Variants in PDS5A observed in about 807,000 individuals in gnomAD.
PDS5A encodes PDS5 cohesin associated factor A.
PDS5A carries 42 observed loss-of-function variants against 167.1 expected under a neutral mutation model. The observed-to-expected ratio is 0.25, with a 90% confidence interval of 0.20 to 0.33. The LOEUF (loss-of-function observed/expected upper bound fraction) is 0.33. Among genes scored for constraint, PDS5A ranks in the 10% least tolerant of loss-of-function variants. The pLI, the probability that PDS5A is intolerant of heterozygous loss-of-function variation, is 1.00. For synonymous variants in PDS5A, 553 were observed against 554.6 expected, an observed-to-expected ratio of 1.00 and a Z score of 0.04; for missense variants, 1,033 against 1,605.9, an observed-to-expected ratio of 0.64 and a Z score of 6.10.
Position 39,862,960 on chromosome 4 carries a change from A to G in PDS5A, c.2880T>C (p.Pro960=), listed in dbSNP as rs1398606375. The stretch of plus-strand genomic sequence containing the variant: ...GTGCGTGTGCTCTTCTCTCCTTCAC[A>G]GGATCTTTGGCACACAAGGCAAAGA... ...MAIFALCAKD[P]VKERRAHARQ... Residue 960 remains proline, a synonymous_variant, in exon 25 of 33, where the codon CCT becomes CCC. Transcript: ENST00000303538. 10 of 1,613,392 alleles carry G rather than the reference A, an allele frequency of 6.2e-6. No homozygotes were observed. The highest frequency in any genetic ancestry group is 8.5e-6 in the Non-Finnish European group (10 of 1,179,628).
In PDS5A at chr4:39,904,114, C is replaced by A. The variant is rs538810136; in HGVS notation, c.1311G>T (p.Lys437Asn). The A allele has an allele frequency of 6.2e-7, 1 of 1,611,832 alleles. No homozygotes were observed. The highest frequency in any genetic ancestry group is 1.1e-5 in the South Asian group (1 of 90,872). Residue 437 changes from lysine to asparagine, a missense_variant, in exon 12 of 33, where the codon AAG (lysine) becomes AAT (asparagine). This residue lies in a region of PDS5A where 388 missense variants were observed against 615.1 expected (regional missense o/e 0.63). Transcript: ENST00000303538. ...KKYCLHGEAG[K>N]EAAEKVSWIK... ...TCCAGCTGACTTTCTCTGCAGCTTC[C>A]TTTCCTGCTTCACCATGAAGACAGT...
chr4:39,956,730 C>T (rs113631222), intron 2 of PDS5A, among the ~76,000 whole-genome samples: 1,685 of 151,362 alleles, frequency 0.011, 31 homozygotes, highest in African/African-American at 0.039. Flanking sequence ...TGGAGTGCTG[C>T]GGCACAATTA....
Position 39,862,824 on chromosome 4 carries a change from C to G in PDS5A, c.2971+45G>C. 2.4e-6 allele frequency: 3 copies of G among 1,241,068 alleles called. No individual in the cohort carries two copies. In the Admixed American group the frequency reaches 5.4e-5, roughly 22 times the overall value. 76.9% of individuals were successfully genotyped at this position (1,241,068 alleles called of 1,614,324 possible). A position where few individuals can be genotyped will look rare whatever the true frequency, so the allele number is the denominator to read the frequency against. On this transcript the variant is annotated intron_variant, in intron 25 of 32. Coordinates refer to ENST00000303538, the MANE Select transcript of PDS5A (RefSeq NM_001100399.2). ...GAAAAAAAAAACCTAAAAATGGATA[C>G]ATTGACAAAATATATTTGCACACGG...
chr4:39,836,876 T>C (rs921111521), intron 32 of PDS5A: 31 of 150,856 alleles, frequency 2.1e-4, no homozygotes, highest in African/African-American at 6.1e-4. Flanking sequence ...TGTCGCAATC[T>C]TGGCTCACTG....
chr4:39,898,679 T>C (rs1722624865), intron 15 of PDS5A, 98 bp downstream of exon 15: 3 of 947,236 alleles, frequency 3.2e-6, no homozygotes, highest in Non-Finnish European at 3.2e-6. Context: ...TAAAGATTAT[T>C]TTCTTTTACT....
rs553382793 is a variant in PDS5A at position 39,901,159 on chromosome 4, T to G, written c.1500-652A>C. On this transcript the variant is annotated intron_variant, in intron 13 of 32. Transcript: ENST00000303538. ...ACACTCTTTGTCAGATATTTTGAAATGTAAACAAACATCAAAACCTTAAGC... is the reference window on the plus strand; with the variant it reads ...ACACTCTTTGTCAGATATTTTGAAAGGTAAACAAACATCAAAACCTTAAGC... Among the ~76,000 whole-genome samples the G allele has an allele frequency of 1.8e-4, 27 of 152,218 alleles. No homozygotes were observed. The East Asian group carries it at 4.4e-3, about 25-fold the overall frequency.
At chr4:39,863,895 C>G (rs1290008406) in intron 23 of PDS5A, among the ~76,000 whole-genome samples, 1 of 152,054 alleles carries the variant, frequency 6.6e-6, no homozygotes, top group African/African-American at 2.4e-5. Flanking sequence ...CATTGGGAGG[C>G]CGAGGTGGAC....
In PDS5A at chr4:39,848,917, A is replaced by G; in HGVS notation, c.3273T>C (p.Ala1091=). ...CCTTTGGTGAATCTGCATTGCACAA[A>G]GCACTTTTACTATTTATAACACAGA... The part of the protein sequence containing the change: ...VALCVINSKS[A]LCNADSPKDP... Residue 1091 remains alanine, a synonymous_variant, in exon 28 of 33, where the codon GCT becomes GCC. Coordinates refer to ENST00000303538, the MANE Select transcript of PDS5A (RefSeq NM_001100399.2). The G allele has an allele frequency of 6.2e-7, 1 of 1,606,270 alleles. No individual in the cohort carries two copies. Among genetic ancestry groups the G allele is most frequent in the Non-Finnish European group, 8.5e-7 (1 of 1,174,410 alleles).
At chr4:39,950,441 T>C (rs1317605279) in intron 2 of PDS5A, among the ~76,000 whole-genome samples, 1 of 151,544 alleles carries the variant, frequency 6.6e-6, no homozygotes, top group African/African-American at 2.4e-5. Context: ...AAAAACAAGT[T>C]AGAAATTATT....
chr4:39,964,010 G>A (rs1210807187), intron 2 of PDS5A, among the ~76,000 whole-genome samples: 2 of 152,106 alleles, frequency 1.3e-5, no homozygotes, highest in Non-Finnish European at 2.9e-5. Context: ...AAGTTCAAGT[G>A]ATTCTCCTGC....
intron 16 of PDS5A, chr4:39,898,184 T>A: frequency 7.9e-7 from 1 of 1,258,542 alleles, no homozygotes; most frequent in Non-Finnish European, 1.0e-6. Flanking sequence ...TCTCCCTGGC[T>A]TAGTTCTTTA....
chr4:39,937,607 T>C (rs1288091385), intron 2 of PDS5A, among the ~76,000 whole-genome samples: 3 of 152,044 alleles, frequency 2.0e-5, no homozygotes, highest in African/African-American at 7.2e-5. Context: ...TTGGTAGAGA[T>C]GGGGTCTTGT....
chr4:39,956,480 G>A (rs796301365), intron 2 of PDS5A, among the ~76,000 whole-genome samples: 80 of 129,344 alleles, frequency 6.2e-4, no homozygotes, highest in African/African-American at 2.1e-3. Context: ...GTGACAGAGC[G>A]AGACTGTCTC....
intron 13 of PDS5A, among the ~76,000 whole-genome samples, chr4:39,901,184 C>T (rs765573365): frequency 6.6e-6 from 1 of 151,230 alleles, no homozygotes; most frequent in Non-Finnish European, 1.5e-5. Context: ...AAACCTTAAG[C>T]AAGGAAAGGG....
chr4:39,888,331 C>T (rs550671154), intron 17 of PDS5A, among the ~76,000 whole-genome samples: 4 of 150,838 alleles, frequency 2.7e-5, no homozygotes, highest in Non-Finnish European at 5.9e-5. Context: ...AGTGAACCCT[C>T]ATACACTGTT....
intron 17 of PDS5A, among the ~76,000 whole-genome samples, chr4:39,888,542 C>T (rs1721681898): frequency 6.6e-6 from 1 of 151,612 alleles, no homozygotes; most frequent in African/African-American, 2.4e-5. Context: ...TGGAATGAAC[C>T]TAAGTGCACA....
In PDS5A at chr4:39,927,943, G is replaced by A. The variant is rs1181502579; in HGVS notation, c.342+18C>T. On this transcript the variant is annotated intron_variant, in intron 3 of 32. Transcript: ENST00000303538. ...TGGTGAATGAAAAATACAATAAAGT[G>A]AAAAAGGCTGTATTTACCTTAAGTT... The A allele has an allele frequency of 1.3e-6, 2 of 1,559,008 alleles. No individual in the cohort carries two copies. Among genetic ancestry groups the A allele is most frequent in the Non-Finnish European group, 1.8e-6 (2 of 1,130,434 alleles).
intron 32 of PDS5A, among the ~76,000 whole-genome samples, chr4:39,826,688 T>C (rs1338296302): frequency 2.0e-5 from 3 of 152,028 alleles, no homozygotes; most frequent in Non-Finnish European, 4.4e-5. Context: ...TGTTTCACCA[T>C]GTTGGTCAGG....
chr4:39,865,587 G>A (rs984304367), intron 23 of PDS5A, among the ~76,000 whole-genome samples: 4 of 152,214 alleles, frequency 2.6e-5, no homozygotes, highest in Non-Finnish European at 4.4e-5. Flanking sequence ...GTACAATGGC[G>A]TGATCTTGGC....
Sources: gnomAD v4.1 joint callset for allele counts (sites outside exome capture counted in the v4.1 genomes callset) on GRCh38, gnomAD v4.1.1 for gene constraint, gnomAD v4.1.1 regional missense constraint, MANE v1.5 for transcripts, NCBI Gene and HGNC (gene_info 2026-07-23, HGNC 2026-07-21) for gene names.